The following MAP1LC3A variants were observed in gnomAD, a reference collection of about 807,000 sequenced individuals.
MAP1LC3A encodes the protein microtubule-associated protein 1 light chain 3 alpha.
A neutral mutation model predicts 15.2 loss-of-function variants in MAP1LC3A; 10 were observed. The observed-to-expected ratio is 0.66, with a 90% CI of 0.41 to 1.12. The LOEUF (loss-of-function observed/expected upper bound fraction) is 1.12. MAP1LC3A is among the 50% of genes most tolerant of loss of function. The pLI, the probability that MAP1LC3A is intolerant of heterozygous loss-of-function variation, is 0.00. For missense variants in MAP1LC3A, 138 were observed against 167.3 expected (o/e 0.82, Z 0.97); for synonymous variants, 63 against 64.3 (o/e 0.98, Z 0.10).
chr20:34,550,048 C>T (rs1981889310), intron 2 of MAP1LC3A: 4 of 1,613,382 alleles, frequency 2.5e-6, no homozygotes, highest in Non-Finnish European at 3.4e-6. Flanking sequence ...GGCCCGCCTG[C>T]CGTTGTGTGA....
intron 1 of MAP1LC3A, 109 bp downstream of exon 1, chr20:34,559,017 G>GCTGGGACCAGCTCCGGC: frequency 7.5e-7 from 1 of 1,336,670 alleles, no homozygotes; most frequent in Non-Finnish European, 9.5e-7. Context: ...GGACCCTCGG[G>GCTGGGACCAGCTCCGGC]CTGGGACCAG....
upstream of MAP1LC3A, among the ~76,000 whole-genome samples, chr20:34,553,725 T>C (rs1175828057): frequency 6.6e-6 from 1 of 152,198 alleles, no homozygotes; most frequent in African/African-American, 2.4e-5. Context: ...CTAAGGCCAC[T>C]ACAGCAGAAC....
At chr20:34,553,777 T>C (rs1171887695), upstream of MAP1LC3A, among the ~76,000 whole-genome samples, 3 of 152,218 alleles carry the variant, frequency 2.0e-5, no homozygotes, top group African/African-American at 7.2e-5. Context: ...AAGCCTAAAA[T>C]ATTTACTGTC....
chr20:34,552,094 T>C (rs561469487), intron 2 of MAP1LC3A, among the ~76,000 whole-genome samples: 1 of 152,198 alleles, frequency 6.6e-6, no homozygotes, highest in African/African-American at 2.4e-5. Context: ...ACCTTCCAGG[T>C]TGAAGCGATT....
chr20:34,556,792 A>G (rs919629822), upstream of MAP1LC3A, among the ~76,000 whole-genome samples: 2 of 152,080 alleles, frequency 1.3e-5, no homozygotes, highest in African/African-American at 4.8e-5. Flanking sequence ...GTAGAGACAG[A>G]GTTTTGCCAT....
intron 1 of MAP1LC3A, among the ~76,000 whole-genome samples, chr20:34,549,047 G>A (rs1981848474): frequency 6.7e-6 from 1 of 149,252 alleles, no homozygotes; most frequent in East Asian, 2.0e-4. Flanking sequence ...TTTTGTTTTT[G>A]TTTTGATAGT....
At chr20:34,555,846 C>CTTT (rs536070432), upstream of MAP1LC3A, among the ~76,000 whole-genome samples, 39 of 130,528 alleles carry the variant, frequency 3.0e-4, no homozygotes, top group African/African-American at 1.1e-3. Context: ...AGTTTTCTTT[C>CTTT]TTTTTTTTTT....
intron 2 of MAP1LC3A, among the ~76,000 whole-genome samples, chr20:34,551,394 A>G (rs2146671234): frequency 6.6e-6 from 1 of 152,160 alleles, no homozygotes; most frequent in Non-Finnish European, 1.5e-5. Context: ...GAGAAATGAG[A>G]ATAATGATTG....
At chr20:34,552,864 G>A (rs536929511) in intron 2 of MAP1LC3A, among the ~76,000 whole-genome samples, 14 of 152,320 alleles carry the variant, frequency 9.2e-5, no homozygotes, top group African/African-American at 3.4e-4. Flanking sequence ...GTGGTGGAAG[G>A]GGGTGGTAAA....
At chr20:34,548,521 G>A (rs553527394) in intron 1 of MAP1LC3A, among the ~76,000 whole-genome samples, 13 of 152,286 alleles carry the variant, frequency 8.5e-5, no homozygotes, top group African/African-American at 7.2e-5. Flanking sequence ...GGTGAGGCCC[G>A]GAGGAAGGGA....
At position 34,551,853 on chromosome 20, in the gene MAP1LC3A, A is replaced by G. The variant is rs190602734; in HGVS notation, c.52+1824A>G. On this transcript the variant is annotated intron_variant, in intron 2 of 4. Transcript: ENST00000374837. Reference sequence around the variant, plus strand: ...AGTACACTTGACACCTCTGCATTTCATTGTTTGTGAATTTTACCCTGAAAG... The same window carrying G: ...AGTACACTTGACACCTCTGCATTTCGTTGTTTGTGAATTTTACCCTGAAAG... 5.5e-3 allele frequency among the ~76,000 whole-genome samples: 844 copies of G among 152,216 alleles called. 47 individuals carry two copies. The highest frequency in any genetic ancestry group is 0.05 in the Admixed American group (770 of 15,274).
At chr20:34,558,714 C>T, upstream of MAP1LC3A, 6 of 1,288,750 alleles carry the variant, frequency 4.7e-6, no homozygotes, top group South Asian at 9.5e-5. This position sits in a 1 kb window ranked among gnomAD's most constrained non-coding sequence, Gnocchi z 4.3. Flanking sequence ...GACCTGACGT[C>T]ACCGGGCGAG....
chr20:34,558,601 C>T, upstream of MAP1LC3A: 1 of 1,209,624 alleles, frequency 8.3e-7, no homozygotes, highest in Non-Finnish European at 1.0e-6. This position sits in a 1 kb window ranked among gnomAD's most constrained non-coding sequence, Gnocchi z 4.3. Flanking sequence ...TCCCGGTCCG[C>T]GGACCCAGGC....
In MAP1LC3A at chr20:34,552,602, C is replaced by CA. The variant is rs1279878097; in HGVS notation, c.52+2574dup. ...CACGGCCTCCTGGGCCACCATCCAT[C>CA]AGCCCTTGGCTCTTACTCTAAGAGG... On this transcript the variant is annotated intron_variant, in intron 2 of 4. Coordinates refer to the MAP1LC3A transcript ENST00000374837. Among the ~76,000 whole-genome samples, 9 of 152,374 alleles carry CA rather than the reference C, an allele frequency of 5.9e-5. No homozygotes were observed. The East Asian group carries it at 1.7e-3, about 29-fold the overall frequency.
In MAP1LC3A at chr20:34,558,959, C is replaced by A; in HGVS notation, c.40+51C>A. Reference sequence around the variant, plus strand: ...GCTCTGGGGCAGGGGTGCCGGCCGACCCCGACTGCCGCAGGTGACGTCAGC... The same window carrying A: ...GCTCTGGGGCAGGGGTGCCGGCCGAACCCGACTGCCGCAGGTGACGTCAGC... On this transcript the variant is annotated intron_variant, in intron 1 of 3. Coordinates refer to ENST00000360668, the MANE Select transcript of MAP1LC3A (RefSeq NM_032514.4). This position sits in a 1 kb window ranked among gnomAD's most constrained non-coding sequence, Gnocchi z 4.3. The A allele has an allele frequency of 7.4e-7, 1 of 1,347,754 alleles. No homozygotes were observed. Among genetic ancestry groups the A allele is most frequent in the Admixed American group, 4.1e-5 (1 of 24,452 alleles). 83.5% of individuals were successfully genotyped at this position (1,347,754 alleles called of 1,614,324 possible). A position where few individuals can be genotyped will look rare whatever the true frequency, so the allele number is the denominator to read the frequency against.
chr20:34,547,693 T>C (rs1353097679), intron 1 of MAP1LC3A, among the ~76,000 whole-genome samples: 2 of 152,256 alleles, frequency 1.3e-5, no homozygotes, highest in East Asian at 3.9e-4. Context: ...CCCCGTCACC[T>C]TCCTCCAGGA....
chr20:34,550,107 A>G lies in MAP1LC3A; in HGVS notation c.52+78A>G. The G allele has an allele frequency of 2.8e-6, 4 of 1,439,238 alleles. No homozygotes were observed. In the Middle Eastern group the frequency reaches 7.4e-4, roughly 268 times the overall value. 89.2% of individuals were successfully genotyped at this position (1,439,238 alleles called of 1,614,324 possible). A position where few individuals can be genotyped will look rare whatever the true frequency, so the allele number is the denominator to read the frequency against. On this transcript the variant is annotated intron_variant, in intron 2 of 4. Coordinates refer to the MAP1LC3A transcript ENST00000374837. ...TCCACACTCGCGGTCATCAGTGGCC[A>G]AGCAGGCCAGGGTTGCTCCGCCCGT...
Position 34,553,489 on chromosome 20 carries a change from GTC to G in MAP1LC3A, c.52+3462_52+3463del, listed in dbSNP as rs1336369278. On this transcript the variant is annotated intron_variant, in intron 2 of 4. Transcript: ENST00000374837. Reference sequence around the variant, plus strand: ...CACGTTGGCCTCAGTTCAGGGCTGAGTCTGACAAAAGACAGGTGTAATCACTT... The same window carrying G: ...CACGTTGGCCTCAGTTCAGGGCTGAGTGACAAAAGACAGGTGTAATCACTT... Among the ~76,000 whole-genome samples, 4 of 152,128 alleles carry G rather than the reference GTC, an allele frequency of 2.6e-5. No individual in the cohort carries two copies. The South Asian group carries it at 6.2e-4, about 24-fold the overall frequency.
intron 2 of MAP1LC3A, among the ~76,000 whole-genome samples, chr20:34,551,521 G>A (rs1174115331): frequency 7.1e-6 from 1 of 140,410 alleles, no homozygotes; most frequent in Non-Finnish European, 1.5e-5. Context: ...AGTCAGGCTG[G>A]AGTGCAGTGG....
Sources: allele counts gnomAD v4.1 joint callset (sites outside exome capture counted in the v4.1 genomes callset), GRCh38; gene constraint gnomAD v4.1.1; non-coding constraint Gnocchi (gnomAD v3.1); transcripts MANE v1.5; gene names NCBI Gene and HGNC (gene_info 2026-07-23, HGNC 2026-07-21).